SNX30: variants seen among roughly 807,000 people sequenced by gnomAD.
SNX30 encodes the protein sorting nexin-30.
SNX30 carries 24 observed loss-of-function variants against 46.4 expected under a neutral mutation model. The observed-to-expected ratio is 0.52, with a 90% CI of 0.37 to 0.73. SNX30 has a LOEUF of 0.73. Ranked by LOEUF, SNX30 falls within the 30% of genes least tolerant of loss-of-function variation. SNX30 has a pLI of 0.00. For missense variants in SNX30, 533 were observed against 555.7 expected (o/e 0.96, Z 0.41); for synonymous variants, 189 against 211.5 (o/e 0.89, Z 0.92).
chr9:112,809,870 T>C (rs1237954158), intron 2 of SNX30, among the ~76,000 whole-genome samples: 3 of 149,766 alleles, frequency 2.0e-5, no homozygotes, highest in African/African-American at 7.3e-5. Flanking sequence ...GAGGGAGGCT[T>C]TTTTTTTTGG....
At chr9:112,810,988 C>T (rs537320352) in intron 2 of SNX30, among the ~76,000 whole-genome samples, 40 of 152,008 alleles carry the variant, frequency 2.6e-4, no homozygotes, top group African/African-American at 8.5e-4. Flanking sequence ...ACAGAGGGAC[C>T]GATGGCAGGG....
intron 6 of SNX30, among the ~76,000 whole-genome samples, chr9:112,849,974 C>G (rs954029535): frequency 6.6e-6 from 1 of 152,220 alleles, no homozygotes; most frequent in African/African-American, 2.4e-5. Context: ...TCTAGAAGGT[C>G]TACTGCAAGC....
At chr9:112,778,651 T>A (rs1839789899) in intron 1 of SNX30, among the ~76,000 whole-genome samples, 1 of 152,194 alleles carries the variant, frequency 6.6e-6, no homozygotes, top group South Asian at 2.1e-4. Context: ...CATCTCTTGA[T>A]GGGGAAGTGG....
chr9:112,778,523 C>T (rs1028290618), intron 1 of SNX30, among the ~76,000 whole-genome samples: 5 of 152,138 alleles, frequency 3.3e-5, no homozygotes, highest in African/African-American at 7.2e-5. Context: ...CCGCCAGCCT[C>T]GGCCTCCCAA....
At position 112,869,569 on chromosome 9, in the gene SNX30, G is replaced by A. The variant is rs1841413365; in HGVS notation, c.*726G>A. ...CCAAGCTTGTTTCTGACACTAGAAT[G>A]CAACAGATTGGAAACTTTTTGTGTA... is the stretch of plus-strand genomic sequence containing the variant. On this transcript the variant is annotated 3_prime_UTR_variant, in exon 9 of 9. Transcript: ENST00000374232. 6.6e-6 allele frequency: 1 copy of A among 151,886 alleles called. No homozygotes were observed. Among genetic ancestry groups the A allele is most frequent in the South Asian group, 2.1e-4 (1 of 4,816 alleles). The allele number at this position is 151,886 out of a possible 1,614,324, so 9.4% of individuals were successfully genotyped here. A position where few individuals can be genotyped will look rare whatever the true frequency, so the allele number is the denominator to read the frequency against.
At position 112,861,899 on chromosome 9, in the gene SNX30, G is replaced by A. The variant is rs549273167; in HGVS notation, c.1102-2348G>A. The stretch of plus-strand genomic sequence containing the variant: ...GGCCGCCCCCTCCATCCTCCTCAGC[G>A]TGCTTATCACGGGGGCTGCAGGGGA... On this transcript the variant is annotated intron_variant, in intron 7 of 8. Coordinates refer to ENST00000374232, the MANE Select transcript of SNX30 (RefSeq NM_001012994.2). Among the ~76,000 whole-genome samples the A allele has an allele frequency of 3.3e-5, 5 of 152,088 alleles. No individual in the cohort carries two copies. The South Asian group carries it at 6.2e-4, about 19-fold the overall frequency.
intron 3 of SNX30, among the ~76,000 whole-genome samples, chr9:112,826,706 C>A (rs1044002659): frequency 6.6e-6 from 1 of 152,178 alleles, no homozygotes; most frequent in Non-Finnish European, 1.5e-5. Context: ...AAATTTCCAT[C>A]TGATGCTCTT....
chr9:112,791,335 G>A (rs1394234553), intron 1 of SNX30, among the ~76,000 whole-genome samples: 2 of 137,716 alleles, frequency 1.5e-5, no homozygotes, highest in East Asian at 4.8e-4. Context: ...CGTTCACTTA[G>A]AATAATGTCT....
chr9:112,879,835 A>G (rs1288944513), downstream of SNX30: 21 of 1,609,784 alleles, frequency 1.3e-5, no homozygotes, highest in Non-Finnish European at 1.8e-5. Context: ...AGAATTGACC[A>G]TAGAGAGTTA....
chr9:112,852,583 G>T (rs923506159), intron 7 of SNX30, among the ~76,000 whole-genome samples: 1 of 152,114 alleles, frequency 6.6e-6, no homozygotes, highest in South Asian at 2.1e-4. Flanking sequence ...ACAACCATGA[G>T]GTTTAGGTAC....
chr9:112,763,919 G>A (rs1323024920), intron 1 of SNX30, among the ~76,000 whole-genome samples: 2 of 151,544 alleles, frequency 1.3e-5, no homozygotes, highest in South Asian at 4.2e-4. Context: ...TGGATAGATT[G>A]TGTAGTGAAA....
chr9:112,750,984 T>A lies in SNX30; in HGVS notation c.-18T>A. 1 of 1,234,150 alleles carries A rather than the reference T, an allele frequency of 8.1e-7. No homozygotes were observed. The allele number at this position is 1,234,150 out of a possible 1,614,324, so 76.4% of individuals were successfully genotyped here. On this transcript the variant is annotated 5_prime_UTR_variant, in exon 1 of 9. Transcript: ENST00000374232. ...AGCAGGAGGAAGCGGCGGCGGCGCGTCCCGAGCGGTGCGCGCCATGGCGGG... is the reference window on the plus strand; with the variant it reads ...AGCAGGAGGAAGCGGCGGCGGCGCGACCCGAGCGGTGCGCGCCATGGCGGG...
intron 3 of SNX30, among the ~76,000 whole-genome samples, chr9:112,822,988 G>A (rs1042940830): frequency 2.2e-4 from 12 of 54,396 alleles, no homozygotes; most frequent in African/African-American, 5.7e-4. Flanking sequence ...ACAGAATATT[G>A]TTATAATTGT....
intron 1 of SNX30, among the ~76,000 whole-genome samples, chr9:112,793,845 C>T (rs1192543378): frequency 2.2e-5 from 3 of 137,484 alleles, no homozygotes; most frequent in Non-Finnish European, 4.7e-5. Flanking sequence ...AAATTAGTAT[C>T]TGGAGGGTGG....
In SNX30 at chr9:112,818,510, G is replaced by A. The variant is rs371019257; in HGVS notation, c.459+695G>A. Among the ~76,000 whole-genome samples, 144 of 152,328 alleles carry A rather than the reference G, an allele frequency of 9.5e-4. 1 individual carries two copies. Among genetic ancestry groups the A allele is most frequent in the African/African-American group, 3.3e-3 (139 of 41,592 alleles). On this transcript the variant is annotated intron_variant, in intron 3 of 8. Transcript: ENST00000374232. ...CTCCCAAAGTGCCGGGATTACGGGT[G>A]TGAGCCACCGTGCCTGGCCTCAACA... is the stretch of plus-strand genomic sequence containing the variant.
chr9:112,821,770 G>A (rs1840500566), intron 3 of SNX30, among the ~76,000 whole-genome samples: 1 of 151,582 alleles, frequency 6.6e-6, no homozygotes, highest in South Asian at 2.1e-4. Flanking sequence ...ACAGGCTTGA[G>A]CCACTGCGCC....
chr9:112,755,541 G>A (rs577611965), intron 1 of SNX30, among the ~76,000 whole-genome samples: 2 of 151,778 alleles, frequency 1.3e-5, no homozygotes, highest in South Asian at 2.1e-4. Context: ...GCAGGAGGGG[G>A]GCATAGTTTG....
intron 1 of SNX30, among the ~76,000 whole-genome samples, chr9:112,794,214 G>A (rs985403956): frequency 1.4e-4 from 22 of 151,758 alleles, no homozygotes; most frequent in African/African-American, 4.6e-4. Context: ...GTGCAGTGGC[G>A]TGATCTCAGG....
chr9:112,814,430 AG>A (rs1303843274), intron 2 of SNX30, among the ~76,000 whole-genome samples: 2 of 152,022 alleles, frequency 1.3e-5, no homozygotes, highest in Non-Finnish European at 1.5e-5. Flanking sequence ...TTGTAGAGAC[AG>A]GGTTTTGCCA....
Sources: gnomAD v4.1 joint callset for allele counts (sites outside exome capture counted in the v4.1 genomes callset) on GRCh38, gnomAD v4.1.1 for gene constraint, MANE v1.5 for transcripts, NCBI Gene and HGNC (gene_info 2026-07-23, HGNC 2026-07-21) for gene names.